The following ANAPC4 variants were observed in gnomAD, a reference collection of about 807,000 sequenced individuals.
ANAPC4 encodes anaphase-promoting complex subunit 4.
In ANAPC4, 63 loss-of-function variants were observed where a neutral mutation model predicts 119.8. That is an observed-to-expected ratio of 0.53 (90% CI 0.43 to 0.65). The LOEUF is 0.65. ANAPC4 is among the 30% of genes least tolerant of loss of function. The pLI, the probability that ANAPC4 is intolerant of heterozygous loss-of-function variation, is 0.00. For missense variants in ANAPC4, 716 were observed against 945.1 expected, an observed-to-expected ratio of 0.76 and a Z score of 3.18; for synonymous variants, 283 against 318.6, an observed-to-expected ratio of 0.89 and a Z score of 1.19.
intron 9 of ANAPC4, among the ~76,000 whole-genome samples, chr4:25,391,719 C>A (rs1459974939): frequency 6.6e-6 from 1 of 152,206 alleles, no homozygotes; most frequent in Non-Finnish European, 1.5e-5. Context: ...TGTGAACTCT[C>A]AAACAAAAGT....
intron 10 of ANAPC4, among the ~76,000 whole-genome samples, chr4:25,392,663 A>G (rs1289341087): frequency 1.3e-5 from 2 of 150,026 alleles, no homozygotes; most frequent in Non-Finnish European, 3.0e-5. Flanking sequence ...CATAAATAAA[A>G]TACCATTTAC....
At chr4:25,403,062 CTT>C (rs1481128045) in intron 17 of ANAPC4, 36 bp downstream of exon 17, 1 of 1,491,298 alleles carries the variant, frequency 6.7e-7, no homozygotes, top group Non-Finnish European at 9.2e-7. Flanking sequence ...TATTTTAACA[CTT>C]TAAAAAAATT....
At chr4:25,403,335 A>G (rs1352243090) in intron 17 of ANAPC4, among the ~76,000 whole-genome samples, 1 of 152,156 alleles carries the variant, frequency 6.6e-6, no homozygotes, top group East Asian at 1.9e-4. Context: ...AAATCAGTAT[A>G]ATTGGGATAT....
chr4:25,396,788 A>C, intron 15 of ANAPC4, 24 bp downstream of exon 15: 2 of 1,610,134 alleles, frequency 1.2e-6, no homozygotes, highest in Non-Finnish European at 1.7e-6. Context: ...TTCTCAGTGA[A>C]ATACATTAAA....
At chr4:25,393,748 G>T in intron 10 of ANAPC4, 57 bp from the exon 11 acceptor site, 1 of 1,036,642 alleles carries the variant, frequency 9.6e-7, no homozygotes, top group South Asian at 1.6e-5. Flanking sequence ...ATATTATTTA[G>T]ATAGCAAGTT....
At chr4:25,400,246 TA>T (rs895264044) in intron 16 of ANAPC4, among the ~76,000 whole-genome samples, 1 of 151,754 alleles carries the variant, frequency 6.6e-6, no homozygotes, top group African/African-American at 2.4e-5. Flanking sequence ...ATCTAGAAGG[TA>T]AAAAATTGAG....
intron 2 of ANAPC4, 89 bp downstream of exon 2, chr4:25,377,645 A>C (rs1721485873): frequency 6.7e-7 from 1 of 1,494,352 alleles, no homozygotes; most frequent in Admixed American, 2.2e-5. Context: ...TTCGGGCCAC[A>C]GGCGGCCGGA....
intron 8 of ANAPC4, among the ~76,000 whole-genome samples, chr4:25,390,466 A>G (rs564437217): frequency 1.2e-4 from 18 of 152,282 alleles, no homozygotes; most frequent in Admixed American, 1.2e-3. Flanking sequence ...TTAGTATGAT[A>G]CACTTGATTA....
In ANAPC4 at chr4:25,417,662, G is replaced by A; in HGVS notation, c.2122G>A (p.Glu708Lys). Residue 708 changes from glutamate to lysine, a missense_variant, in exon 28 of 29, where the codon GAG becomes AAG. By Grantham distance (56) the Glu-to-Lys change is moderately conservative (BLOSUM62 1). This residue lies in a region of ANAPC4 where 504 missense variants were observed against 615.8 expected (regional missense o/e 0.82). Transcript: ENST00000315368. ...SAIPTRTMHF[E>K]KHWRLLESMK... ...TATTCCCACCCGTACCATGCATTTTGAGAAGCACTGGAGATTACTGGAAAG... is the reference window on the plus strand; with the variant it reads ...TATTCCCACCCGTACCATGCATTTTAAGAAGCACTGGAGATTACTGGAAAG... The A allele has an allele frequency of 1.2e-6, 2 of 1,613,422 alleles. No individual in the cohort carries two copies. Among genetic ancestry groups the A allele is most frequent in the South Asian group, 1.1e-5 (1 of 91,030 alleles).
intron 9 of ANAPC4, 98 bp from the exon 10 acceptor site, chr4:25,392,240 A>G (rs957086997): frequency 7.2e-6 from 6 of 836,314 alleles, no homozygotes; most frequent in Non-Finnish European, 1.2e-5. Context: ...CAATTCTGAC[A>G]TAGTCTTTCT....
intron 22 of ANAPC4, 43 bp downstream of exon 22, chr4:25,413,785 T>A: frequency 2.1e-6 from 3 of 1,426,282 alleles, no homozygotes; most frequent in Non-Finnish European, 2.9e-6. Context: ...GGAGCAATAG[T>A]GTCTACAGTA....
intron 4 of ANAPC4, 144 bp downstream of exon 4, chr4:25,383,537 G>A (rs948386734): frequency 4.2e-5 from 29 of 690,096 alleles, no homozygotes; most frequent in Non-Finnish European, 6.0e-5. Flanking sequence ...ATTTTTTAAT[G>A]CTTTCTTAGA....
At position 25,413,762 on chromosome 4, in the gene ANAPC4, A is replaced by G. The variant is rs760861683; in HGVS notation, c.1623+20A>G. 3.3e-5 allele frequency: 52 copies of G among 1,584,268 alleles called. No individual in the cohort carries two copies. The Middle Eastern group carries it at 5.0e-4, about 15-fold the overall frequency. On this transcript the variant is annotated intron_variant, in intron 22 of 28. Transcript: ENST00000315368. Reference sequence around the variant, plus strand: ...CCAGCAGTAAGTTTGAAAGAAATGCATGTCTTTGTGTAGGAGCAATAGTGT... The same window carrying G: ...CCAGCAGTAAGTTTGAAAGAAATGCGTGTCTTTGTGTAGGAGCAATAGTGT...
chr4:25,383,126 T>C (rs1721836458), intron 3 of ANAPC4, 135 bp from the exon 4 acceptor site: 1 of 746,770 alleles, frequency 1.3e-6, no homozygotes, highest in African/African-American at 1.8e-5. Context: ...TTTTAAAATA[T>C]TGAAGGATGT....
intron 16 of ANAPC4, among the ~76,000 whole-genome samples, chr4:25,399,689 A>G (rs547066166): frequency 6.6e-6 from 1 of 152,220 alleles, no homozygotes; most frequent in African/African-American, 2.4e-5. Context: ...CTGCAGGTGG[A>G]GCTGTCCAGC....
rs370535597 is a variant in ANAPC4, at chr4:25,377,576, C to T, written c.129+20C>T. 1.9e-6 allele frequency: 3 copies of T among 1,591,804 alleles called. No individual in the cohort carries two copies. Among genetic ancestry groups the T allele is most frequent in the African/African-American group, 1.3e-5 (1 of 74,816 alleles). On this transcript the variant is annotated intron_variant, in intron 2 of 28. Coordinates refer to ENST00000315368, the MANE Select transcript of ANAPC4 (RefSeq NM_013367.3). ...GGCGAGGTGAGTGAGCCGGCGGGAGCCCGCCTGTGCTGGGTCTGCTCCCGG... is the reference window on the plus strand; with the variant it reads ...GGCGAGGTGAGTGAGCCGGCGGGAGTCCGCCTGTGCTGGGTCTGCTCCCGG...
chr4:25,380,330 A>G (rs1200010722), intron 2 of ANAPC4, 44 bp from the exon 3 acceptor site: 1 of 1,496,808 alleles, frequency 6.7e-7, no homozygotes, highest in Non-Finnish European at 9.2e-7. Context: ...TTATTTTTGG[A>G]AATGAATTTT....
intron 16 of ANAPC4, among the ~76,000 whole-genome samples, chr4:25,399,158 C>T (rs930905846): frequency 2.0e-5 from 3 of 151,894 alleles, no homozygotes; most frequent in Admixed American, 2.0e-4. Flanking sequence ...TGCCTTTTAC[C>T]TGGAATACTT....
chr4:25,388,627 G>A, intron 5 of ANAPC4, 53 bp downstream of exon 5: 11 of 1,561,662 alleles, frequency 7.0e-6, no homozygotes, highest in Non-Finnish European at 8.8e-6. Context: ...TCTTTCTTCT[G>A]CTTTTAACAC....
Sources: allele counts gnomAD v4.1 joint callset (sites outside exome capture counted in the v4.1 genomes callset), GRCh38; gene constraint gnomAD v4.1.1; regional missense constraint gnomAD v4.1.1; transcripts MANE v1.5; gene names NCBI Gene and HGNC (gene_info 2026-07-23, HGNC 2026-07-21).